The following HSD17B2 variants were observed in gnomAD, a reference collection of about 807,000 sequenced individuals.
HSD17B2 encodes hydroxysteroid 17-beta dehydrogenase 2.
HSD17B2 carries 32 observed loss-of-function variants against 26.9 expected under a neutral mutation model. That is an observed-to-expected ratio of 1.19 (90% CI 0.90 to 1.60). The LOEUF is 1.60. Among genes scored for constraint, HSD17B2 ranks in the 40% most tolerant of loss-of-function variants. The pLI is 0.00. For synonymous variants in HSD17B2, 246 were observed against 186.7 expected, an observed-to-expected ratio of 1.32 and a Z score of -2.59; for missense variants, 613 against 468.6, an observed-to-expected ratio of 1.31 and a Z score of -2.85.
rs78055722 is a variant in HSD17B2, at chr16:82,045,773, C to A, written c.265+10084C>A. 3.2e-3 allele frequency among the ~76,000 whole-genome samples: 484 copies of A among 152,362 alleles called. 2 individuals are homozygous for A. Among genetic ancestry groups the A allele is most frequent in the Non-Finnish European group, 4.6e-3 (310 of 68,038 alleles). On this transcript the variant is annotated intron_variant, in intron 1 of 4. Coordinates refer to ENST00000199936, the MANE Select transcript of HSD17B2 (RefSeq NM_002153.3). The stretch of plus-strand genomic sequence containing the variant: ...GACAGATGCTTCTCCAGTGTTGAGA[C>A]CCTTGGCTCTGTGCTGTCTAACTTT...
At chr16:82,069,200 T>G (rs1914641558) in intron 2 of HSD17B2, among the ~76,000 whole-genome samples, 1 of 152,202 alleles carries the variant, frequency 6.6e-6, no homozygotes, top group African/African-American at 2.4e-5. Flanking sequence ...TTGCTGAGGA[T>G]AATGGCTTCC....
chr16:82,070,601 A>G (rs1410178516), intron 2 of HSD17B2, among the ~76,000 whole-genome samples: 1 of 152,232 alleles, frequency 6.6e-6, no homozygotes, highest in Non-Finnish European at 1.5e-5. Context: ...GTGGTTCCCT[A>G]TCTAAGCACC....
intron 1 of HSD17B2, among the ~76,000 whole-genome samples, chr16:82,058,547 G>A (rs1281085815): frequency 6.6e-6 from 1 of 151,952 alleles, no homozygotes; most frequent in East Asian, 1.9e-4. Flanking sequence ...TAAACATAAG[G>A]CTCTCAAACT....
chr16:82,036,694 T>C (rs952734234), intron 1 of HSD17B2, among the ~76,000 whole-genome samples: 4 of 152,144 alleles, frequency 2.6e-5, no homozygotes, highest in African/African-American at 9.7e-5. Flanking sequence ...TTGGTGCTTG[T>C]TGGGGTTAGA....
intron 2 of HSD17B2, 34 bp from the exon 3 acceptor site, chr16:82,070,908 C>T (rs919394756): frequency 3.5e-5 from 56 of 1,587,352 alleles, no homozygotes; most frequent in Non-Finnish European, 4.4e-5. Flanking sequence ...CTTCCTCTTC[C>T]AGACACTCAC....
chr16:82,048,002 A>T (rs73603043), intron 1 of HSD17B2, among the ~76,000 whole-genome samples: 2,866 of 152,336 alleles, frequency 0.019, 86 homozygotes, highest in African/African-American at 0.063. Flanking sequence ...GAAAAATATT[A>T]TATCTTTTGT....
intron 4 of HSD17B2, chr16:82,096,698 G>C (rs922823545): frequency 6.6e-6 from 1 of 152,086 alleles, no homozygotes; most frequent in African/African-American, 2.4e-5. Flanking sequence ...TGTGGCAGCA[G>C]CATTTCTAAA....
At chr16:82,040,545 T>C (rs575837851) in intron 1 of HSD17B2, among the ~76,000 whole-genome samples, 54 of 152,322 alleles carry the variant, frequency 3.5e-4, no homozygotes, top group Admixed American at 7.8e-4. Context: ...AAGTGTTAGA[T>C]CCATAGTTGG....
intron 1 of HSD17B2, among the ~76,000 whole-genome samples, chr16:82,040,665 A>G (rs1208536687): frequency 6.6e-6 from 1 of 152,212 alleles, no homozygotes; most frequent in East Asian, 1.9e-4. Flanking sequence ...GAGCTTGGCA[A>G]TTGATTGGGT....
chr16:82,065,534 G>C (rs1356262157), intron 1 of HSD17B2, among the ~76,000 whole-genome samples: 2 of 152,134 alleles, frequency 1.3e-5, no homozygotes, highest in African/African-American at 4.8e-5. Flanking sequence ...CATAAGGTAT[G>C]GTACCTCACA....
chr16:82,073,075 A>G (rs1339672618), intron 3 of HSD17B2, among the ~76,000 whole-genome samples: 2 of 152,118 alleles, frequency 1.3e-5, no homozygotes, highest in Non-Finnish European at 2.9e-5. Context: ...AATAACTCAC[A>G]ATACAGAGCA....
intron 3 of HSD17B2, among the ~76,000 whole-genome samples, chr16:82,072,646 T>C (rs1914723285): frequency 6.6e-6 from 1 of 152,212 alleles, no homozygotes; most frequent in Non-Finnish European, 1.5e-5. Context: ...ATGTGCAGTA[T>C]GTGCTGTAGG....
At chr16:82,035,993 G>T (rs1401392633) in intron 1 of HSD17B2, among the ~76,000 whole-genome samples, 1 of 152,126 alleles carries the variant, frequency 6.6e-6, no homozygotes, top group African/African-American at 2.4e-5. Flanking sequence ...ATTGTACCCA[G>T]GAATGTCCCA....
chr16:82,097,878 C>T, intron 4 of HSD17B2, 197 bp from the exon 5 acceptor site: 1 of 403,116 alleles, frequency 2.5e-6, no homozygotes. Context: ...GCAGAGGTTG[C>T]AGTGAGCTGA....
At chr16:82,036,323 TG>T (rs1472000105) in intron 1 of HSD17B2, among the ~76,000 whole-genome samples, 3 of 19,146 alleles carry the variant, frequency 1.6e-4, no homozygotes, top group African/African-American at 4.0e-4. Context: ...CCCTTGTTTG[TG>T]TGTGTGTGTG....
chr16:82,038,690 G>T (rs766004755), intron 1 of HSD17B2, among the ~76,000 whole-genome samples: 7 of 152,172 alleles, frequency 4.6e-5, no homozygotes, highest in African/African-American at 7.2e-5. Context: ...CTTGCCTTAG[G>T]CTAGGTCCCC....
intron 1 of HSD17B2, among the ~76,000 whole-genome samples, chr16:82,054,361 T>C (rs913134612): frequency 6.6e-6 from 1 of 152,172 alleles, no homozygotes; most frequent in Non-Finnish European, 1.5e-5. Flanking sequence ...ACTTTTTTTT[T>C]TGGGACAGAG....
intron 3 of HSD17B2, among the ~76,000 whole-genome samples, chr16:82,075,705 G>A (rs1904297485): frequency 6.6e-6 from 1 of 152,034 alleles, no homozygotes; most frequent in Non-Finnish European, 1.5e-5. Context: ...AACAAGTAAC[G>A]AGTTCGAAGC....
intron 3 of HSD17B2, among the ~76,000 whole-genome samples, chr16:82,072,730 G>T (rs1914725221): frequency 6.6e-6 from 1 of 152,134 alleles, no homozygotes; most frequent in African/African-American, 2.4e-5. Context: ...GTGAAAAATG[G>T]AAAATGGATT....
Sources: gnomAD v4.1 joint callset for allele counts (sites outside exome capture counted in the v4.1 genomes callset) on GRCh38, gnomAD v4.1.1 for gene constraint, MANE v1.5 for transcripts, NCBI Gene and HGNC (gene_info 2026-07-23, HGNC 2026-07-21) for gene names.